The following CYP4X1 variants were observed in gnomAD, a reference collection of about 807,000 sequenced individuals.
The protein encoded by CYP4X1 is cytochrome P450 family 4 subfamily X member 1.
In CYP4X1, 44 loss-of-function variants were observed where a neutral mutation model predicts 57.9. The ratio of observed to expected loss-of-function variants is 0.76; its 90% CI spans 0.60 to 0.98. CYP4X1 has a LOEUF of 0.98. Ranked by LOEUF, CYP4X1 falls within the 50% of genes least tolerant of loss-of-function variation. CYP4X1 has a pLI of 0.00. For synonymous variants in CYP4X1, 227 were observed against 228.6 expected (o/e 0.99, Z 0.06); for missense variants, 532 against 623.9 (o/e 0.85, Z 1.57).
rs1644024354 is a variant in CYP4X1, at chr1:47,023,710, G to T, written c.-108G>T. The T allele has an allele frequency of 1.4e-6, 2 of 1,469,608 alleles. No homozygotes were observed. Among genetic ancestry groups the T allele is most frequent in the East Asian group, 2.5e-5 (1 of 40,700 alleles). 91.0% of individuals were successfully genotyped at this position (1,469,608 alleles called of 1,614,324 possible). On this transcript the variant is annotated 5_prime_UTR_variant, in exon 1 of 12. Coordinates refer to ENST00000371901, the MANE Select transcript of CYP4X1 (RefSeq NM_178033.2). ...CCCGCGAGTCAGAAGCTTCGCGAGG[G>T]CCCAGAGAGGCGGTGGGGTGGGCGA...
At chr1:46,999,157 C>G in the CYP4X1 span, among the ~76,000 whole-genome samples, 2 of 151,814 alleles carry the variant, frequency 1.3e-5, no homozygotes, top group Non-Finnish European at 2.9e-5. Flanking sequence ...AATACCAGCT[C>G]TTCTCTGTTC....
At chr1:47,014,991 GT>G in the CYP4X1 span, among the ~76,000 whole-genome samples, 1 of 152,032 alleles carries the variant, frequency 6.6e-6, no homozygotes, top group Non-Finnish European at 1.5e-5. Flanking sequence ...AGTCTTTTTT[GT>G]TTTTTGGTTT....
chr1:47,029,923 G>A lies in CYP4X1; in HGVS notation c.178-67G>A. 6 of 1,568,784 alleles carry A rather than the reference G, an allele frequency of 3.8e-6. No individual in the cohort carries two copies. In the Admixed American group the frequency reaches 8.7e-5, roughly 23 times the overall value. Reference sequence around the variant, plus strand: ...GTGACCTTATCAGGTCCTGAACTCAGCTTGTGTCTATAAGAGGGGACAGGT... The same window carrying A: ...GTGACCTTATCAGGTCCTGAACTCAACTTGTGTCTATAAGAGGGGACAGGT... On this transcript the variant is annotated intron_variant, in intron 1 of 11. Coordinates refer to ENST00000371901, the MANE Select transcript of CYP4X1 (RefSeq NM_178033.2).
chr1:46,999,026 T>TG, the CYP4X1 span, among the ~76,000 whole-genome samples: 72 of 143,328 alleles, frequency 5.0e-4, no homozygotes, highest in African/African-American at 1.7e-3. Context: ...CTTGCTTTCT[T>TG]TGTGTGTGTG....
chr1:47,002,715 G>T, the CYP4X1 span, among the ~76,000 whole-genome samples: 3 of 152,168 alleles, frequency 2.0e-5, no homozygotes, highest in Non-Finnish European at 2.9e-5. Flanking sequence ...TACACAACAG[G>T]ATCCTTCAAA....
At chr1:46,964,142 C>T in the CYP4X1 span, among the ~76,000 whole-genome samples, 2 of 152,216 alleles carry the variant, frequency 1.3e-5, no homozygotes, top group African/African-American at 2.4e-5. Context: ...GTTATCCATT[C>T]GTCTAATCTT....
chr1:46,996,454 G>A, the CYP4X1 span, among the ~76,000 whole-genome samples: 1 of 152,204 alleles, frequency 6.6e-6, no homozygotes, highest in African/African-American at 2.4e-5. Flanking sequence ...ATAAATGCAA[G>A]CAAGCCTCTC....
At chr1:47,012,059 G>C in the CYP4X1 span, among the ~76,000 whole-genome samples, 1 of 152,180 alleles carries the variant, frequency 6.6e-6, no homozygotes, top group Non-Finnish European at 1.5e-5. Context: ...CCATTACTGG[G>C]TATATACCCA....
chr1:46,999,584 TTTG>T, the CYP4X1 span, among the ~76,000 whole-genome samples: 1 of 152,186 alleles, frequency 6.6e-6, no homozygotes, highest in Non-Finnish European at 1.5e-5. Flanking sequence ...TGCTCTGATC[TTTG>T]TTATTTCTTT....
intron 6 of CYP4X1, among the ~76,000 whole-genome samples, chr1:47,036,960 T>C (rs1364111494): frequency 6.6e-6 from 1 of 152,168 alleles, no homozygotes; most frequent in Admixed American, 6.5e-5. Flanking sequence ...CACATACATA[T>C]ATGCATACAT....
At chr1:47,032,152 G>A (rs1644132009) in intron 3 of CYP4X1, among the ~76,000 whole-genome samples, 1 of 151,954 alleles carries the variant, frequency 6.6e-6, no homozygotes. Context: ...TCTTTTTGGA[G>A]TTCCTTTATT....
intron 10 of CYP4X1, 132 bp from the exon 11 acceptor site, chr1:47,049,290 T>C (rs113306337): frequency 4.6e-6 from 3 of 649,562 alleles, no homozygotes; most frequent in East Asian, 2.7e-5. Flanking sequence ...CTTTTAAAAA[T>C]GTGACCACCA....
the CYP4X1 span, among the ~76,000 whole-genome samples, chr1:46,991,477 A>G: frequency 4.6e-5 from 7 of 152,332 alleles, no homozygotes; most frequent in Admixed American, 3.3e-4. Flanking sequence ...CTCACTGGGC[A>G]GAAGTCCTAT....
intron 8 of CYP4X1, among the ~76,000 whole-genome samples, chr1:47,042,015 A>C (rs529117573): frequency 6.6e-6 from 1 of 152,206 alleles, no homozygotes; most frequent in East Asian, 1.9e-4. Flanking sequence ...AGTTTTCTCA[A>C]CACCATTTAT....
the CYP4X1 span, among the ~76,000 whole-genome samples, chr1:46,970,540 T>C: frequency 6.6e-6 from 1 of 152,210 alleles, no homozygotes; most frequent in Non-Finnish European, 1.5e-5. Flanking sequence ...ATATTGAGTC[T>C]ATGTTAAAGA....
chr1:47,012,079 A>G, the CYP4X1 span, among the ~76,000 whole-genome samples: 1 of 152,242 alleles, frequency 6.6e-6, no homozygotes, highest in African/African-American at 2.4e-5. Context: ...AAAGGATTAT[A>G]AATCACGCTG....
chr1:47,036,370 T>TTATATA (rs58369367), intron 6 of CYP4X1, among the ~76,000 whole-genome samples, 199 bp downstream of exon 6: 4,699 of 129,782 alleles, frequency 0.036, 317 homozygotes, highest in African/African-American at 0.1. Context: ...ATCAGAATTT[T>TTATATA]TATATATATA....
the CYP4X1 span, among the ~76,000 whole-genome samples, chr1:47,008,037 G>A: frequency 1.3e-5 from 2 of 152,266 alleles, no homozygotes; most frequent in East Asian, 3.9e-4. Flanking sequence ...AATCTAGCAA[G>A]GCAGGCCAAC....
At chr1:47,031,311 C>A (rs12041262) in intron 2 of CYP4X1, 125 bp from the exon 3 acceptor site, 341,226 of 1,136,180 alleles carry the variant, frequency 0.3, 59,446 homozygotes, top group East Asian at 0.76. Flanking sequence ...AGGAAGTAAG[C>A]CCTGGGCTCT....
Sources: allele counts gnomAD v4.1 joint callset (sites outside exome capture counted in the v4.1 genomes callset), GRCh38; gene constraint gnomAD v4.1.1; transcripts MANE v1.5; gene names NCBI Gene and HGNC (gene_info 2026-07-23, HGNC 2026-07-21).